The following ATRN variants were observed in gnomAD, a reference collection of about 807,000 sequenced individuals.
The protein encoded by ATRN is attractin-2.
Under a neutral mutation model 178.7 loss-of-function variants are expected in ATRN, and 54 were observed. The ratio of observed to expected loss-of-function variants is 0.30; its 90% CI spans 0.24 to 0.38. The LOEUF (loss-of-function observed/expected upper bound fraction) is 0.38, where lower values mean the gene tolerates loss of function less well. Ranked by LOEUF, ATRN falls within the 10% of genes least tolerant of loss-of-function variation. The pLI, the probability that ATRN is intolerant of heterozygous loss-of-function variation, is 1.00. For synonymous variants in ATRN, 636 were observed against 663.0 expected, an observed-to-expected ratio of 0.96 and a Z score of 0.63; for missense variants, 1,443 against 1,815.1, an observed-to-expected ratio of 0.79 and a Z score of 3.73.
At chr20:3,559,024 A>G (rs1222745714) in intron 6 of ATRN, among the ~76,000 whole-genome samples, 1 of 152,008 alleles carries the variant, frequency 6.6e-6, no homozygotes, top group Admixed American at 6.5e-5. Flanking sequence ...CTTTTTTGGT[A>G]CCTATCTTCA....
At chr20:3,554,990 CTTTTTTTTTTTTTTTT>C (rs536209701) in intron 6 of ATRN, among the ~76,000 whole-genome samples, 1 of 67,458 alleles carries the variant, frequency 1.5e-5, no homozygotes, top group African/African-American at 7.0e-5. Flanking sequence ...GACCTGACCT[CTTTTTTTTTTTTTTTT>C]TTTTTTTTTT....
chr20:3,575,514 T>C (rs1003381541), intron 12 of ATRN, among the ~76,000 whole-genome samples: 11 of 152,190 alleles, frequency 7.2e-5, no homozygotes, highest in African/African-American at 2.4e-4. Context: ...TATTACTAGT[T>C]GATTTTTTTT....
At chr20:3,549,011 G>C (rs1228304336) in intron 5 of ATRN, among the ~76,000 whole-genome samples, 159 bp from the exon 6 acceptor site, 1 of 152,116 alleles carries the variant, frequency 6.6e-6, no homozygotes, top group African/African-American at 2.4e-5. Context: ...TCAATACCCT[G>C]AATAAATTAA....
At chr20:3,587,703 A>C (rs1242689312) in intron 18 of ATRN, among the ~76,000 whole-genome samples, 4 of 152,180 alleles carry the variant, frequency 2.6e-5, no homozygotes, top group Non-Finnish European at 5.9e-5. Flanking sequence ...TGTTACAGCT[A>C]TTCTGGGTTT....
At chr20:3,494,985 G>A (rs2084858744) in intron 1 of ATRN, among the ~76,000 whole-genome samples, 3 of 152,102 alleles carry the variant, frequency 2.0e-5, no homozygotes, top group Admixed American at 1.3e-4. Context: ...TTGTGGATGG[G>A]TATAGTAGAA....
At position 3,563,261 on chromosome 20, in the gene ATRN, G is replaced by A. The variant is rs1050143344; in HGVS notation, c.1684G>A (p.Val562Met). ...FFRYLHTAVI[V>M]SGTMLVFGGN... ...CCGTTACTTGCACACAGCTGTGATAGTGAGTGGAACCATGCTGGTGTTTGG... is the reference window on the plus strand; with the variant it reads ...CCGTTACTTGCACACAGCTGTGATAATGAGTGGAACCATGCTGGTGTTTGG... Residue 562 changes from valine to methionine, a missense_variant, in exon 10 of 29, where the codon GTG (valine) becomes ATG (methionine). Val to Met is a conservative substitution (Grantham distance 21). Transcript: ENST00000262919. The A allele has an allele frequency of 2.5e-6, 4 of 1,613,954 alleles. No individual in the cohort carries two copies. Among genetic ancestry groups the A allele is most frequent in the Non-Finnish European group, 2.5e-6 (3 of 1,179,962 alleles).
chr20:3,620,295 A>G (rs1047046438), intron 24 of ATRN, among the ~76,000 whole-genome samples: 1 of 151,996 alleles, frequency 6.6e-6, no homozygotes, highest in African/African-American at 2.4e-5. Context: ...CCCAGGCTGG[A>G]GTGCAGTGGT....
rs765299826 is a variant in ATRN at position 3,540,277 on chromosome 20, G to GA, written c.551dup (p.Asp184GlufsTer7). On this transcript the variant is annotated frameshift_variant, in exon 3 of 29. Transcript: ENST00000262919. LOFTEE classifies it high-confidence loss of function. ...TCATTTTGCTACAGAGTGTAGTTGGGACCATTTATATGTTTATGATGGGGA... is the reference window on the plus strand; with the variant it reads ...TCATTTTGCTACAGAGTGTAGTTGGGAACCATTTATATGTTTATGATGGGGA... The GA allele has an allele frequency of 6.2e-7, 1 of 1,610,970 alleles. No individual in the cohort carries two copies. Among genetic ancestry groups the GA allele is most frequent in the Non-Finnish European group, 8.5e-7 (1 of 1,178,572 alleles).
chr20:3,643,934 G>C (rs143162625), intron 27 of ATRN, among the ~76,000 whole-genome samples: 1 of 152,336 alleles, frequency 6.6e-6, no homozygotes, highest in South Asian at 2.1e-4. Context: ...AGGGGACTGC[G>C]AGACCTCAGT....
chr20:3,488,714 G>A (rs2084733839), intron 1 of ATRN, among the ~76,000 whole-genome samples: 1 of 152,100 alleles, frequency 6.6e-6, no homozygotes, highest in Admixed American at 6.5e-5. Flanking sequence ...TTTCCATATA[G>A]ATTTTAGAAT....
chr20:3,488,606 A>G (rs1319240349), intron 1 of ATRN, among the ~76,000 whole-genome samples: 1 of 152,176 alleles, frequency 6.6e-6, no homozygotes, highest in Non-Finnish European at 1.5e-5. Context: ...TATGCCAGTA[A>G]TACTGCACTA....
At chr20:3,512,802 A>G (rs1016593112) in intron 1 of ATRN, among the ~76,000 whole-genome samples, 3 of 152,154 alleles carry the variant, frequency 2.0e-5, no homozygotes, top group African/African-American at 7.2e-5. Flanking sequence ...TCGCCATTCT[A>G]ACTGGTGTGA....
Position 3,584,646 on chromosome 20 carries a change from G to A in ATRN, c.2951-1G>A. On this transcript the variant is annotated splice_acceptor_variant, in intron 17 of 28. Transcript: ENST00000262919. LOFTEE classifies it high-confidence loss of function. The stretch of plus-strand genomic sequence containing the variant: ...CAATTGCAACTTTTTTTTTTTAATA[G>A]CTGAAAATTGTTCAGGCTACTGTAC... 1 of 1,585,366 alleles carries A rather than the reference G, an allele frequency of 6.3e-7. No homozygotes were observed. The highest frequency in any genetic ancestry group is 8.6e-7 in the Non-Finnish European group (1 of 1,167,966).
intron 1 of ATRN, among the ~76,000 whole-genome samples, chr20:3,475,849 A>G (rs1461699054): frequency 1.3e-5 from 2 of 152,240 alleles, no homozygotes; most frequent in African/African-American, 2.4e-5. Context: ...CCCAGCACAT[A>G]CAGTAATAAT....
At chr20:3,592,491 A>G in intron 19 of ATRN, 1 of 983,880 alleles carries the variant, frequency 1.0e-6, no homozygotes, top group Non-Finnish European at 1.2e-6. Context: ...TTATTATGAG[A>G]ACAAAAATTA....
intron 1 of ATRN, chr20:3,489,821 G>T: frequency 8.0e-7 from 1 of 1,255,986 alleles, no homozygotes; most frequent in Non-Finnish European, 1.2e-6. Context: ...CACAGTTATA[G>T]TTGATATTTA....
intron 1 of ATRN, among the ~76,000 whole-genome samples, chr20:3,482,609 G>T (rs6051888): frequency 0.023 from 3,502 of 152,260 alleles, 136 homozygotes; most frequent in African/African-American, 0.079. Context: ...AGATATCAAG[G>T]ATTTTGATCA....
At chr20:3,605,625 G>A (rs2086666636) in intron 24 of ATRN, among the ~76,000 whole-genome samples, 1 of 152,184 alleles carries the variant, frequency 6.6e-6, no homozygotes, top group African/African-American at 2.4e-5. Context: ...TGGAGCTGGA[G>A]GCCATTATCC....
At chr20:3,637,112 A>G (rs1306837559) in intron 26 of ATRN, among the ~76,000 whole-genome samples, 1 of 152,224 alleles carries the variant, frequency 6.6e-6, no homozygotes, top group African/African-American at 2.4e-5. Context: ...TGTGTTTAGT[A>G]TGGAGTTGGT....
Sources: gnomAD v4.1 joint callset for allele counts (sites outside exome capture counted in the v4.1 genomes callset) on GRCh38, gnomAD v4.1.1 for gene constraint, MANE v1.5 for transcripts, NCBI Gene and HGNC (gene_info 2026-07-23, HGNC 2026-07-21) for gene names.